The following EPM2A variants were observed in gnomAD, a reference collection of about 807,000 sequenced individuals.
EPM2A encodes EPM2A glucan phosphatase, laforin, also known as laforin.
Under a neutral mutation model 26.5 loss-of-function variants are expected in EPM2A, and 21 were observed. The ratio of observed to expected loss-of-function variants is 0.79; its 90% CI spans 0.56 to 1.14. The LOEUF (loss-of-function observed/expected upper bound fraction) is 1.14, where lower values mean the gene tolerates loss of function less well. Among genes scored for constraint, EPM2A ranks in the 50% most tolerant of loss-of-function variants. The pLI is 0.00. For missense variants in EPM2A, 458 were observed against 440.8 expected (o/e 1.04, Z -0.35); for synonymous variants, 217 against 177.6 (o/e 1.22, Z -1.76).
chr6:145,434,314 A>G (rs1778961462), intron 4 of EPM2A, among the ~76,000 whole-genome samples: 1 of 149,034 alleles, frequency 6.7e-6, no homozygotes, highest in Non-Finnish European at 1.5e-5. Flanking sequence ...TGGGTAGAGT[A>G]CACTGGCACA....
chr6:145,650,172 G>C (rs1241413046), intron 2 of EPM2A, among the ~76,000 whole-genome samples: 2 of 152,158 alleles, frequency 1.3e-5, no homozygotes, highest in Admixed American at 6.5e-5. Flanking sequence ...CAACTTGAAG[G>C]CTTTGGCCCT....
chr6:145,511,510 T>A (rs1184721067), intron 2 of EPM2A, among the ~76,000 whole-genome samples: 4 of 152,164 alleles, frequency 2.6e-5, no homozygotes, highest in South Asian at 2.1e-4. Context: ...AACGATATGA[T>A]CATCTAAATA....
At chr6:145,457,320 C>G (rs1253168335) in intron 4 of EPM2A, among the ~76,000 whole-genome samples, 3 of 151,674 alleles carry the variant, frequency 2.0e-5, no homozygotes, top group East Asian at 3.9e-4. Flanking sequence ...CCCTTCTGTA[C>G]TGAAAAAACA....
chr6:145,475,416 G>A (rs1421259927), intron 4 of EPM2A, among the ~76,000 whole-genome samples: 1 of 152,058 alleles, frequency 6.6e-6, no homozygotes, highest in Non-Finnish European at 1.5e-5. Flanking sequence ...TGAACAATGA[G>A]AACACATGGA....
intron 4 of EPM2A, chr6:145,490,821 A>G: frequency 1.6e-6 from 1 of 606,990 alleles, no homozygotes; most frequent in Non-Finnish European, 3.2e-6. Context: ...GTAGGGTCAG[A>G]TGCATGGCCA....
intron 4 of EPM2A, among the ~76,000 whole-genome samples, chr6:145,406,507 A>G (rs972008667): frequency 6.6e-6 from 1 of 152,080 alleles, no homozygotes; most frequent in Non-Finnish European, 1.5e-5. Flanking sequence ...CTGATAAGGC[A>G]CTCTGGTGGA....
intron 4 of EPM2A, among the ~76,000 whole-genome samples, chr6:145,473,053 C>G (rs1312851791): frequency 3.3e-5 from 5 of 151,746 alleles, no homozygotes; most frequent in Non-Finnish European, 7.4e-5. Context: ...ATGAATGAAC[C>G]AAATAAGCAC....
intron 2 of EPM2A, among the ~76,000 whole-genome samples, chr6:145,612,013 C>T (rs1562402412): frequency 6.6e-6 from 1 of 152,126 alleles, no homozygotes; most frequent in South Asian, 2.1e-4. Flanking sequence ...TGAGACAATC[C>T]TCCAATATTT....
At chr6:145,709,855 A>C (rs1037435328) in intron 1 of EPM2A, among the ~76,000 whole-genome samples, 2 of 152,212 alleles carry the variant, frequency 1.3e-5, no homozygotes, top group African/African-American at 4.8e-5. Context: ...TGACAAAAAC[A>C]AGAAATGGGG....
At chr6:145,514,789 T>G (rs963709635) in intron 2 of EPM2A, among the ~76,000 whole-genome samples, 2 of 152,210 alleles carry the variant, frequency 1.3e-5, no homozygotes, top group African/African-American at 2.4e-5. Context: ...AAGAATAATT[T>G]GCTCCAAAAT....
intron 2 of EPM2A, among the ~76,000 whole-genome samples, chr6:145,647,465 T>C (rs1288004099): frequency 6.6e-6 from 1 of 152,240 alleles, no homozygotes; most frequent in Non-Finnish European, 1.5e-5. Flanking sequence ...TGGCATCTTA[T>C]ACATACCTTT....
intron 4 of EPM2A, among the ~76,000 whole-genome samples, chr6:145,476,697 G>A (rs1214850652): frequency 6.6e-6 from 1 of 152,000 alleles, no homozygotes; most frequent in Non-Finnish European, 1.5e-5. Context: ...GCTCCTGAAT[G>A]ACCAGTGGGT....
intron 2 of EPM2A, among the ~76,000 whole-genome samples, chr6:145,581,459 G>A (rs951644578): frequency 1.3e-5 from 2 of 152,080 alleles, no homozygotes; most frequent in Non-Finnish European, 2.9e-5. Context: ...TATTTACTCG[G>A]TTGATAGTTT....
rs1779935250 is a variant in EPM2A, at chr6:145,504,117, GT to G, written c.341-1543del. 3.7e-5 allele frequency among the ~76,000 whole-genome samples: 5 copies of G among 136,216 alleles called. No individual in the cohort carries two copies. In the South Asian group the frequency reaches 1.4e-3, roughly 37 times the overall value. The allele number at this position is 136,216 out of a possible 152,430, so 89.4% of individuals were successfully genotyped here. ...TTCAAGATGGATTAAAGACTTAAAC[GT>G]TAGACCTAAAACCATAAAAACCCTA... On this transcript the variant is annotated intron_variant, in intron 2 of 3. Transcript: ENST00000450221.
At chr6:145,508,472 C>A (rs79013834) in intron 2 of EPM2A, among the ~76,000 whole-genome samples, 12,433 of 152,256 alleles carry the variant, frequency 0.082, 592 homozygotes, top group East Asian at 0.17. Flanking sequence ...AACCAAGGAG[C>A]CCTTACAGAG....
At chr6:145,710,913 T>C (rs944765230) in intron 1 of EPM2A, among the ~76,000 whole-genome samples, 1 of 136,642 alleles carries the variant, frequency 7.3e-6, no homozygotes, top group Non-Finnish European at 1.5e-5. Flanking sequence ...TAGGTGGGAA[T>C]TGAACAATGA....
At chr6:145,620,182 G>A (rs1398603323) in intron 2 of EPM2A, among the ~76,000 whole-genome samples, 1 of 152,222 alleles carries the variant, frequency 6.6e-6, no homozygotes, top group Non-Finnish European at 1.5e-5. Flanking sequence ...TGGACAGGGA[G>A]GCGAGGGGAG....
intron 4 of EPM2A, among the ~76,000 whole-genome samples, chr6:145,409,577 T>C (rs1028217873): frequency 1.3e-5 from 2 of 152,212 alleles, no homozygotes; most frequent in South Asian, 4.1e-4. Flanking sequence ...TATACACCAC[T>C]ATTTTTTCTA....
At chr6:145,622,218 T>C (rs972131105), downstream of EPM2A, among the ~76,000 whole-genome samples, 5 of 152,224 alleles carry the variant, frequency 3.3e-5, no homozygotes, top group African/African-American at 1.2e-4. Flanking sequence ...TCCTGTCTTT[T>C]ATTTGAATGG....
Sources: gnomAD v4.1 joint callset for allele counts (sites outside exome capture counted in the v4.1 genomes callset) on GRCh38, gnomAD v4.1.1 for gene constraint, MANE v1.5 for transcripts, NCBI Gene and HGNC (gene_info 2026-07-23, HGNC 2026-07-21) for gene names.